The following FAT1 variants were observed in gnomAD, a reference collection of about 807,000 sequenced individuals.
The protein encoded by FAT1 is protocadherin Fat 1.
In FAT1, 171 loss-of-function variants were observed where a neutral mutation model predicts 329.8. The ratio of observed to expected loss-of-function variants is 0.52; its 90% CI spans 0.46 to 0.59. The LOEUF (loss-of-function observed/expected upper bound fraction) is 0.59. Ranked by LOEUF, FAT1 falls within the 20% of genes least tolerant of loss-of-function variation. FAT1 has a pLI of 0.00. For synonymous variants in FAT1, 2,233 were observed against 2,228.6 expected (o/e 1.00, Z -0.06); for missense variants, 5,672 against 5,774.4 (o/e 0.98, Z 0.57).
At chr4:186,628,435 C>G (rs1740426945) in intron 8 of FAT1, 53 bp downstream of exon 8, 1 of 1,610,816 alleles carries the variant, frequency 6.2e-7, no homozygotes, top group Non-Finnish European at 8.5e-7. Context: ...CACGCTCGAA[C>G]ACACAAAGGC....
chr4:186,721,359 T>A (rs2126724182), intron 1 of FAT1, among the ~76,000 whole-genome samples: 1 of 152,338 alleles, frequency 6.6e-6, no homozygotes, highest in Admixed American at 6.5e-5. Context: ...TGATCTTAAC[T>A]GATGTATATC....
Position 186,600,074 on chromosome 4 carries a change from C to T in FAT1, c.11927G>A (p.Cys3976Tyr), listed in dbSNP as rs2126411479. The change falls in exon 22 of 27, where the codon TGT (cysteine) becomes TAT (tyrosine). Residue 3976 changes from cysteine (C) to tyrosine (Y), a missense_variant. Cys to Tyr is a radical substitution (Grantham distance 194). This residue lies in a region of FAT1 where 1,706 missense variants were observed against 1,859.1 expected (regional missense o/e 0.92). Coordinates refer to ENST00000441802, the MANE Select transcript of FAT1 (RefSeq NM_005245.4). ...SPQVGNGFRG[C>Y]MDSIYLNGQE... The stretch of plus-strand genomic sequence containing the variant: ...CCCATTCAAATAAATGGAGTCCATA[C>T]AACCCCTGAAACCATTACCAACTTG... The T allele has an allele frequency of 2.5e-6, 4 of 1,614,044 alleles. No individual in the cohort carries two copies. Among genetic ancestry groups the T allele is most frequent in the Non-Finnish European group, 2.5e-6 (3 of 1,179,906 alleles).
chr4:186,709,987 T>A (rs1401662934), intron 1 of FAT1, 142 bp from the exon 2 acceptor site: 1 of 748,278 alleles, frequency 1.3e-6, no homozygotes, highest in Non-Finnish European at 2.0e-6. Context: ...ATGTTTTTCA[T>A]GTTTTCCAAT....
chr4:186,655,506 C>T (rs183863973), intron 3 of FAT1, among the ~76,000 whole-genome samples: 156 of 151,542 alleles, frequency 1.0e-3, no homozygotes, highest in South Asian at 2.3e-3. Flanking sequence ...GTGATCTCGG[C>T]TCGCTGCAAC....
intron 1 of FAT1, among the ~76,000 whole-genome samples, chr4:186,713,465 C>G (rs79986492): frequency 0.016 from 2,480 of 152,240 alleles, 84 homozygotes; most frequent in East Asian, 0.09. Context: ...GACGCTGCTC[C>G]TGACCACGTG....
chr4:186,612,198 T>C (rs1484502495), intron 13 of FAT1, among the ~76,000 whole-genome samples: 3 of 152,142 alleles, frequency 2.0e-5, no homozygotes, highest in African/African-American at 7.2e-5. Flanking sequence ...TGTATGACTA[T>C]GACCTTTAAA....
In FAT1 at chr4:186,717,985, A is replaced by C. The variant is rs557342511; in HGVS notation, c.-19+5679T>G. Among the ~76,000 whole-genome samples the C allele has an allele frequency of 2.0e-5, 3 of 152,310 alleles. No homozygotes were observed. In the South Asian group the frequency reaches 6.2e-4, roughly 32 times the overall value. On this transcript the variant is annotated intron_variant, in intron 1 of 26. Coordinates refer to ENST00000441802, the MANE Select transcript of FAT1 (RefSeq NM_005245.4). ...TTTCTCCACAAACAGAAGTAATTTA[A>C]ATGACATCTTGGCAGAGTAGCCAAT...
Position 186,706,881 on chromosome 4 carries a change from C to T in FAT1, c.2947G>A (p.Val983Ile), listed in dbSNP as rs1260800727. 6.2e-7 allele frequency: 1 copy of T among 1,614,000 alleles called. No homozygotes were observed. The highest frequency in any genetic ancestry group is 8.5e-7 in the Non-Finnish European group (1 of 1,179,900). ...NFDVDKLSGA[V>I]RIVQQLDFEK... ...AAGTCCAACTGCTGGACGATCCTAA[C>T]TGCTCCACTGAGTTTATCCACATCG... Residue 983 changes from valine (V) to isoleucine (I), a missense_variant, in exon 2 of 27, where the codon GTT (valine) becomes ATT (isoleucine). Around this residue, in one of 2 missense-constraint regions of FAT1, gnomAD observed 3,966 missense variants for 3,915.2 expected, o/e 1.01. Coordinates refer to ENST00000441802, the MANE Select transcript of FAT1 (RefSeq NM_005245.4).
At chr4:186,666,044 G>T in intron 2 of FAT1, among the ~76,000 whole-genome samples, 1 of 119,750 alleles carries the variant, frequency 8.4e-6, no homozygotes, top group Admixed American at 9.2e-5. Flanking sequence ...CGTGGGGTGG[G>T]GGGAGGGGGG....
chr4:186,726,053 G>A (rs1031789306), upstream of FAT1, among the ~76,000 whole-genome samples: 2 of 152,228 alleles, frequency 1.3e-5, no homozygotes, highest in Non-Finnish European at 2.9e-5. Context: ...CGGCCCCGAT[G>A]CGCCCTCCCT....
chr4:186,696,491 C>G (rs1169937700), intron 2 of FAT1, among the ~76,000 whole-genome samples: 1 of 152,110 alleles, frequency 6.6e-6, no homozygotes, highest in Non-Finnish European at 1.5e-5. Context: ...ATGAACACCC[C>G]CTGAGCAGGC....
chr4:186,697,040 A>T (rs1744070718), intron 2 of FAT1, among the ~76,000 whole-genome samples: 1 of 152,042 alleles, frequency 6.6e-6, no homozygotes, highest in African/African-American at 2.4e-5. Flanking sequence ...GAAAATAATT[A>T]ATTAATTAAT....
Position 186,597,000 on chromosome 4 carries a change from C to A in FAT1, c.12540G>T (p.Ala4180=). The change falls in exon 25 of 27, where the codon GCG becomes GCT. Residue 4180 remains alanine (A), a synonymous_variant. Coordinates refer to ENST00000441802, the MANE Select transcript of FAT1 (RefSeq NM_005245.4). The surrounding 1 kb of genome is among the most constrained non-coding windows in gnomAD (Gnocchi z 4.7). ...CAAACACAACGATTCCAATTCCTTC[C>A]GCCAACCCAATGTTCCACGGCGTGG... ...YVSTPWNIGL[A]EGIGIVVFVA... is the part of the protein sequence containing the mutation. 1 of 1,613,986 alleles carries A rather than the reference C, an allele frequency of 6.2e-7. No homozygotes were observed. Among genetic ancestry groups the A allele is most frequent in the Non-Finnish European group, 8.5e-7 (1 of 1,179,900 alleles).
At chr4:186,616,963 T>C (rs375470624) in intron 11 of FAT1, 42 bp downstream of exon 11, 35 of 1,551,412 alleles carry the variant, frequency 2.3e-5, no homozygotes, top group Non-Finnish European at 2.6e-5. Context: ...AATTAAGAAA[T>C]TGAAATTCAT....
At chr4:186,706,505 TAA>T (rs200130748) in intron 2 of FAT1, 56 bp downstream of exon 2, 26,718 of 1,343,302 alleles carry the variant, frequency 0.02, no homozygotes, top group South Asian at 0.026. Flanking sequence ...GGCAGATGGT[TAA>T]AAAAAAAAAA....
Position 186,636,254 on chromosome 4 carries a change from G to C in FAT1, c.3973-19C>G, listed in dbSNP as rs969843048. The C allele has an allele frequency of 6.2e-7, 1 of 1,609,674 alleles. No homozygotes were observed. The highest frequency in any genetic ancestry group is 8.5e-7 in the Non-Finnish European group (1 of 1,176,060). The stretch of plus-strand genomic sequence containing the variant: ...CCTTAATCTACAACATTTGGGCAGA[G>C]GGGATTAAAAACAGCAAATCAGGAG... On this transcript the variant is annotated intron_variant, in intron 5 of 26. Coordinates refer to ENST00000441802, the MANE Select transcript of FAT1 (RefSeq NM_005245.4).
intron 2 of FAT1, among the ~76,000 whole-genome samples, chr4:186,670,688 T>C (rs6850371): frequency 0.16 from 23,764 of 152,172 alleles, 2,262 homozygotes; most frequent in East Asian, 0.48. Context: ...AAGCTTCCTA[T>C]TAGAATGCAA....
At chr4:186,590,266 C>A (rs1738171497) in intron 26 of FAT1, 1 of 618,194 alleles carries the variant, frequency 1.6e-6, no homozygotes, top group Non-Finnish European at 2.6e-6. Context: ...TTAGTTACTG[C>A]TGCAAACACT....
intron 2 of FAT1, among the ~76,000 whole-genome samples, chr4:186,685,007 T>A (rs960057482): frequency 2.0e-5 from 3 of 152,280 alleles, no homozygotes; most frequent in African/African-American, 7.2e-5. Flanking sequence ...GCCAGTGCCC[T>A]CGCTAATCCC....
Sources: gnomAD v4.1 joint callset for allele counts (sites outside exome capture counted in the v4.1 genomes callset) on GRCh38, gnomAD v4.1.1 for gene constraint, gnomAD v4.1.1 regional missense constraint, Gnocchi (gnomAD v3.1) non-coding constraint, MANE v1.5 for transcripts, NCBI Gene and HGNC (gene_info 2026-07-23, HGNC 2026-07-21) for gene names.